Variants in FAM83F observed in about 807,000 individuals in gnomAD.
FAM83F encodes the protein scaffolding CK1 anchoring protein F.
Under a neutral mutation model 42.9 loss-of-function variants are expected in FAM83F, and 45 were observed. The ratio of observed to expected loss-of-function variants is 1.05; its 90% CI spans 0.83 to 1.35. The LOEUF (loss-of-function observed/expected upper bound fraction) is 1.35. Among genes scored for constraint, FAM83F ranks in the 40% most tolerant of loss-of-function variants. The probability of loss-of-function intolerance (pLI) is 0.00; values close to 1 mark genes in which losing one functional copy is unlikely to be tolerated. For missense variants in FAM83F, 617 were observed against 695.9 expected (o/e 0.89, Z 1.28); for synonymous variants, 306 against 298.3 (o/e 1.03, Z -0.27).
In FAM83F at chr22:40,043,190, G is replaced by C. The variant is rs2067659876; in HGVS notation, c.*13625G>C. 6.6e-6 allele frequency: 1 copy of C among 152,206 alleles called. No individual in the cohort carries two copies. Among genetic ancestry groups the C allele is most frequent in the Non-Finnish European group, 1.5e-5 (1 of 68,034 alleles). 9.4% of individuals were successfully genotyped at this position (152,206 alleles called of 1,614,324 possible). On this transcript the variant is annotated 3_prime_UTR_variant, in exon 5 of 5. Coordinates refer to ENST00000333407, the MANE Select transcript of FAM83F (RefSeq NM_138435.4). ...GCCAAGGAGGTTACACAACAGCTTG[G>C]ATCAGGAAGTGAAACAAGGGCGGTG...
chr22:40,004,834 T>C (rs549838429), intron 1 of FAM83F, among the ~76,000 whole-genome samples: 1 of 152,256 alleles, frequency 6.6e-6, no homozygotes, highest in Admixed American at 6.5e-5. Flanking sequence ...CACCAGTAAA[T>C]AGGATGCTAG....
rs2145704428 is a variant in FAM83F at position 39,995,576 on chromosome 22, A to G, written c.489+45A>G. ...CCCACACCGCTGGGACCTCGGCCCC[A>G]GTCCCCTGGACCGGGCCCCACCTCC... On this transcript the variant is annotated intron_variant, in intron 1 of 4. Transcript: ENST00000333407. The surrounding 1 kb of genome is among the most constrained non-coding windows in gnomAD (Gnocchi z 4.6). The G allele has an allele frequency of 6.7e-7, 1 of 1,499,328 alleles. No individual in the cohort carries two copies. Among genetic ancestry groups the G allele is most frequent in the Non-Finnish European group, 8.9e-7 (1 of 1,117,604 alleles). The allele number at this position is 1,499,328 out of a possible 1,614,324, so 92.9% of individuals were successfully genotyped here. A position where few individuals can be genotyped will look rare whatever the true frequency, so the allele number is the denominator to read the frequency against.
rs1215709553 is a variant in FAM83F at position 40,019,756 on chromosome 22, A to C, written c.658-131A>C. On this transcript the variant is annotated intron_variant, in intron 2 of 4. Coordinates refer to ENST00000333407, the MANE Select transcript of FAM83F (RefSeq NM_138435.4). ...TTCCCTATGGAAGGCTGTAGGAAGCAGAGCGTCTAGTGAAGACAGGAGCCT... is the reference window on the plus strand; with the variant it reads ...TTCCCTATGGAAGGCTGTAGGAAGCCGAGCGTCTAGTGAAGACAGGAGCCT... 4 of 1,283,758 alleles carry C rather than the reference A, an allele frequency of 3.1e-6. No individual in the cohort carries two copies. In the Admixed American group the frequency reaches 1.0e-4, roughly 33 times the overall value. 79.5% of individuals were successfully genotyped at this position (1,283,758 alleles called of 1,614,324 possible).
intron 4 of FAM83F, among the ~76,000 whole-genome samples, chr22:40,028,677 G>A (rs2067568819): frequency 6.6e-6 from 1 of 152,236 alleles, no homozygotes; most frequent in Non-Finnish European, 1.5e-5. Flanking sequence ...GAATGGTAGA[G>A]GCCTGGGGAA....
In FAM83F at chr22:40,031,925, G is replaced by C. The variant is rs2067590378; in HGVS notation, c.*2360G>C. 6.6e-6 allele frequency: 1 copy of C among 152,300 alleles called. No homozygotes were observed. Among genetic ancestry groups the C allele is most frequent in the Non-Finnish European group, 1.5e-5 (1 of 68,086 alleles). 9.4% of individuals were successfully genotyped at this position (152,300 alleles called of 1,614,324 possible). On this transcript the variant is annotated 3_prime_UTR_variant, in exon 5 of 5. Coordinates refer to ENST00000333407, the MANE Select transcript of FAM83F (RefSeq NM_138435.4). ...CCGGCCCACTCTGTTCTGCCTCTTG[G>C]CTTCTCAGCTGTGAGTACGCCTGCC... is the stretch of plus-strand genomic sequence containing the variant.
chr22:40,020,140 G>A (rs745489877), intron 3 of FAM83F, 132 bp downstream of exon 3: 39 of 1,320,684 alleles, frequency 3.0e-5, no homozygotes, highest in South Asian at 1.9e-4. Context: ...GCAAAGGACA[G>A]CTTTCTGCCC....
Position 39,995,553 on chromosome 22 carries a change from C to A in FAM83F, c.489+22C>A, listed in dbSNP as rs963597547. On this transcript the variant is annotated intron_variant, in intron 1 of 4. Transcript: ENST00000333407. The surrounding 1 kb of genome is among the most constrained non-coding windows in gnomAD (Gnocchi z 4.6). ...GAAGGTAGGCCCCCGCCTTCGCCCC[C>A]ACACCGCTGGGACCTCGGCCCCAGT... 6.5e-7 allele frequency: 1 copy of A among 1,532,068 alleles called. No homozygotes were observed. Among genetic ancestry groups the A allele is most frequent in the Non-Finnish European group, 8.8e-7 (1 of 1,134,176 alleles). The allele number at this position is 1,532,068 out of a possible 1,614,324, so 94.9% of individuals were successfully genotyped here. A position where few individuals can be genotyped will look rare whatever the true frequency, so the allele number is the denominator to read the frequency against.
chr22:39,996,467 A>G (rs996553682), intron 1 of FAM83F, among the ~76,000 whole-genome samples: 9 of 152,238 alleles, frequency 5.9e-5, no homozygotes, highest in African/African-American at 2.2e-4. Flanking sequence ...CTGAAATTCA[A>G]ATTGAATGGG....
intron 4 of FAM83F, among the ~76,000 whole-genome samples, chr22:40,027,803 C>T (rs1015589861): frequency 1.3e-5 from 2 of 152,214 alleles, no homozygotes; most frequent in Non-Finnish European, 2.9e-5. Context: ...AGGCTTCTCC[C>T]GGAGGCAGCC....
At chr22:40,024,831 C>T (rs1183060897) in intron 4 of FAM83F, among the ~76,000 whole-genome samples, 2 of 152,196 alleles carry the variant, frequency 1.3e-5, no homozygotes, top group Non-Finnish European at 2.9e-5. Flanking sequence ...ATATAGTTGT[C>T]AAACAGCATG....
intron 1 of FAM83F, among the ~76,000 whole-genome samples, chr22:40,012,424 T>C (rs1012727628): frequency 6.6e-6 from 1 of 151,942 alleles, no homozygotes; most frequent in African/African-American, 2.4e-5. Context: ...CGTGAGCCAC[T>C]GCACCCAGCC....
intron 1 of FAM83F, among the ~76,000 whole-genome samples, chr22:39,997,317 C>T (rs890798879): frequency 6.6e-6 from 1 of 152,338 alleles, no homozygotes; most frequent in African/African-American, 2.4e-5. Flanking sequence ...GGGCTTCTGG[C>T]CACTGAGGCA....
At position 40,042,709 on chromosome 22, in the gene FAM83F, TG is replaced by T. The variant is rs2067657290; in HGVS notation, c.*13149del. On this transcript the variant is annotated 3_prime_UTR_variant, in exon 5 of 5. Coordinates refer to ENST00000333407, the MANE Select transcript of FAM83F (RefSeq NM_138435.4). ...AACATTTACTGAGTAATTATTTATT[TG>T]GGGGCCTTTTACGATCAGAACAATG... 2 of 152,224 alleles carry T rather than the reference TG, an allele frequency of 1.3e-5. No homozygotes were observed. Among genetic ancestry groups the T allele is most frequent in the Admixed American group, 1.3e-4 (2 of 15,286 alleles). The allele number at this position is 152,224 out of a possible 1,614,324, so 9.4% of individuals were successfully genotyped here. A position where few individuals can be genotyped will look rare whatever the true frequency, so the allele number is the denominator to read the frequency against.
rs768983896 is a variant in FAM83F, at chr22:40,021,831, A to G, written c.1321A>G (p.Arg441Gly). Reference protein sequence around the residue: ...EAAPARRFSSRLFSRRAKRPA... With the variant: ...EAAPARRFSSGLFSRRAKRPA... ...CGCCCCCGCCAGGCGCTTCAGCAGC[A>G]GGCTCTTCAGTCGCCGAGCCAAGAG... The change falls in exon 4 of 5, where the codon AGG (arginine) becomes GGG (glycine). Residue 441 changes from arginine (R) to glycine (G), a missense_variant. Coordinates refer to ENST00000333407, the MANE Select transcript of FAM83F (RefSeq NM_138435.4). This position sits in a 1 kb window ranked among gnomAD's most constrained non-coding sequence, Gnocchi z 8.7. The G allele has an allele frequency of 5.6e-6, 9 of 1,612,562 alleles. No individual in the cohort carries two copies. Among genetic ancestry groups the G allele is most frequent in the Non-Finnish European group, 7.6e-6 (9 of 1,179,702 alleles).
At chr22:40,010,509 C>T (rs758318474) in intron 1 of FAM83F, among the ~76,000 whole-genome samples, 1 of 152,190 alleles carries the variant, frequency 6.6e-6, no homozygotes, top group African/African-American at 2.4e-5. Flanking sequence ...CGCATCAGGG[C>T]GTCACAGTCC....
rs2067511944 is a variant in FAM83F at position 40,020,125 on chromosome 22, C to G, written c.779+117C>G. The G allele has an allele frequency of 5.7e-6, 8 of 1,406,696 alleles. No homozygotes were observed. In the South Asian group the frequency reaches 1.2e-4, roughly 21 times the overall value. The allele number at this position is 1,406,696 out of a possible 1,614,324, so 87.1% of individuals were successfully genotyped here. On this transcript the variant is annotated intron_variant, in intron 3 of 4. Transcript: ENST00000333407. ...AGTGTGTAACAGGGATCATCTGACG[C>G]AATAGCAAAGGACAGCTTTCTGCCC... is the stretch of plus-strand genomic sequence containing the variant.
chr22:40,021,350 C>G lies in FAM83F; in HGVS notation c.840C>G (p.Asn280Lys). The G allele has an allele frequency of 1.2e-6, 2 of 1,605,648 alleles. No homozygotes were observed. Among genetic ancestry groups the G allele is most frequent in the Non-Finnish European group, 1.7e-6 (2 of 1,174,334 alleles). Reference sequence around the variant, plus strand: ...TCCTCCTGCTCCTGACAGGACAGAACGTAGAGCCCTTTGACACGGAGTTCC... The same window carrying G: ...TCCTCCTGCTCCTGACAGGACAGAAGGTAGAGCCCTTTGACACGGAGTTCC... ...RNLLLLLTGQNVEPFDTEFRE... is the reference protein window; with the variant it reads ...RNLLLLLTGQKVEPFDTEFRE... The change falls in exon 4 of 5, where the codon AAC becomes AAG. Residue 280 changes from asparagine (N) to lysine (K), a missense_variant. Coordinates refer to ENST00000333407, the MANE Select transcript of FAM83F (RefSeq NM_138435.4). This position sits in a 1 kb window ranked among gnomAD's most constrained non-coding sequence, Gnocchi z 8.7.
At position 40,038,841 on chromosome 22, in the gene FAM83F, G is replaced by GT. The variant is rs934008326; in HGVS notation, c.*9277dup. ...CAGCCTTCCCTATGCACCTGCACCC[G>GT]TGAGTCTCACAACAGCCCCAACAGG... is the stretch of plus-strand genomic sequence containing the variant. On this transcript the variant is annotated 3_prime_UTR_variant, in exon 5 of 5. Coordinates refer to ENST00000333407, the MANE Select transcript of FAM83F (RefSeq NM_138435.4). 1.5e-4 allele frequency: 23 copies of GT among 152,258 alleles called. No individual in the cohort carries two copies. Among genetic ancestry groups the GT allele is most frequent in the African/African-American group, 5.3e-4 (22 of 41,438 alleles). The allele number at this position is 152,258 out of a possible 1,614,324, so 9.4% of individuals were successfully genotyped here.
rs753030505 is a variant in FAM83F, at chr22:40,019,188, C to T, written c.510C>T (p.Asp170=). Residue 170 remains aspartate (D), a synonymous_variant, in exon 2 of 5, where the codon GAC becomes GAT. Transcript: ENST00000333407. ...CCCAGGTCATTGCTGTGGTCATGGA[C>T]CTCTTCACTGATGGTGATATCTTTC... The part of the protein sequence containing the change: ...QAQKVIAVVM[D]LFTDGDIFQD... 1.3e-5 allele frequency: 21 copies of T among 1,614,006 alleles called. No individual in the cohort carries two copies. Among genetic ancestry groups the T allele is most frequent in the African/African-American group, 2.7e-5 (2 of 74,902 alleles).
Sources: gnomAD v4.1 joint callset for allele counts (sites outside exome capture counted in the v4.1 genomes callset) on GRCh38, gnomAD v4.1.1 for gene constraint, Gnocchi (gnomAD v3.1) non-coding constraint, MANE v1.5 for transcripts, NCBI Gene and HGNC (gene_info 2026-07-23, HGNC 2026-07-21) for gene names.